The following GDE1 variants were observed in gnomAD, a reference collection of about 807,000 sequenced individuals.
GDE1 encodes the protein glycerophosphodiester phosphodiesterase 1.
A neutral mutation model predicts 32.2 loss-of-function variants in GDE1; 24 were observed. The ratio of observed to expected loss-of-function variants is 0.75; its 90% confidence interval spans 0.54 to 1.05. The LOEUF (loss-of-function observed/expected upper bound fraction) is 1.05. Ranked by LOEUF, GDE1 falls within the 50% of genes least tolerant of loss-of-function variation. The probability of loss-of-function intolerance (pLI) is 0.00; values close to 1 mark genes in which losing one functional copy is unlikely to be tolerated. For missense variants in GDE1, 380 were observed against 415.0 expected, an observed-to-expected ratio of 0.92 and a Z score of 0.73; for synonymous variants, 159 against 158.6, an observed-to-expected ratio of 1.00 and a Z score of -0.02.
rs991517652 is a variant in GDE1, at chr16:19,502,311, T to C, written c.*1159A>G. ...TGTATGGATTGAGTAAGATAATGCA[T>C]GTTAAACCACTTGTATAGTTTCTGG... is the stretch of plus-strand genomic sequence containing the variant. On this transcript the variant is annotated 3_prime_UTR_variant, in exon 6 of 6. Coordinates refer to ENST00000353258, the MANE Select transcript of GDE1 (RefSeq NM_016641.4). 18 of 151,258 alleles carry C rather than the reference T, an allele frequency of 1.2e-4. No individual in the cohort carries two copies. The highest frequency in any genetic ancestry group is 2.5e-4 in the Non-Finnish European group (17 of 67,818). 9.4% of individuals were successfully genotyped at this position (151,258 alleles called of 1,614,324 possible). A position where few individuals can be genotyped will look rare whatever the true frequency, so the allele number is the denominator to read the frequency against.
In GDE1 at chr16:19,517,169, T is replaced by C. The variant is rs756784331; in HGVS notation, c.282A>G (p.Thr94=). The C allele has an allele frequency of 5.6e-5, 91 of 1,613,414 alleles. No homozygotes were observed. The highest frequency in any genetic ancestry group is 2.3e-4 in the Admixed American group (14 of 59,976). ...AIRQAAKNGA[T]GVELDIEFTS... is the part of the protein sequence containing the mutation. ...TAAACTCAATGTCCAACTCCACGCC[T>C]GTTGCTCCATTCTTAGCTGCCTTAA... Residue 94 remains threonine (T), a synonymous_variant, in exon 2 of 6, where the codon ACA becomes ACG. Transcript: ENST00000353258.
chr16:19,516,312 G>A (rs1307392678), intron 2 of GDE1, among the ~76,000 whole-genome samples: 1 of 152,158 alleles, frequency 6.6e-6, no homozygotes, highest in Non-Finnish European at 1.5e-5. Flanking sequence ...TTATGAACTA[G>A]TTATTTGCCC....
At chr16:19,503,688 AGTATG>A in intron 5 of GDE1, 71 bp from the exon 6 acceptor site, 1 of 1,300,122 alleles carries the variant, frequency 7.7e-7, no homozygotes, top group East Asian at 2.3e-5. Flanking sequence ...ATGGCCACTA[AGTATG>A]GTGTTCACTG....
intron 3 of GDE1, among the ~76,000 whole-genome samples, chr16:19,510,195 G>A (rs928467624): frequency 5.9e-5 from 9 of 152,188 alleles, no homozygotes; most frequent in African/African-American, 1.7e-4. Flanking sequence ...ATGTTCTTAT[G>A]AGTGTAAGTG....
In GDE1 at chr16:19,504,862, A is replaced by G; in HGVS notation, c.848+19T>C. On this transcript the variant is annotated intron_variant, in intron 5 of 5. Coordinates refer to ENST00000353258, the MANE Select transcript of GDE1 (RefSeq NM_016641.4). The stretch of plus-strand genomic sequence containing the variant: ...TTCAGGATGTCTGTCTGGGTAAAAT[A>G]AAAAACCTTCCAACTTACGGGGATA... 1 of 1,528,932 alleles carries G rather than the reference A, an allele frequency of 6.5e-7. No individual in the cohort carries two copies. Among genetic ancestry groups the G allele is most frequent in the Non-Finnish European group, 9.0e-7 (1 of 1,108,698 alleles). 94.7% of individuals were successfully genotyped at this position (1,528,932 alleles called of 1,614,324 possible).
At chr16:19,513,548 C>A (rs945006137) in intron 2 of GDE1, among the ~76,000 whole-genome samples, 1 of 152,086 alleles carries the variant, frequency 6.6e-6, no homozygotes, top group African/African-American at 2.4e-5. Flanking sequence ...ATCATGTTGT[C>A]AGCAAAGAGG....
chr16:19,522,084 C>G lies in GDE1; in HGVS notation c.-120G>C. 5 of 1,035,082 alleles carry G rather than the reference C, an allele frequency of 4.8e-6. No homozygotes were observed. The highest frequency in any genetic ancestry group is 6.8e-6 in the Non-Finnish European group (5 of 734,594). 64.1% of individuals were successfully genotyped at this position (1,035,082 alleles called of 1,614,324 possible). A position where few individuals can be genotyped will look rare whatever the true frequency, so the allele number is the denominator to read the frequency against. ...CAGCAGCAGGAACCCTCTGAGGGGA[C>G]CAGCGCCGCACAATGGCGGCAGCAG... On this transcript the variant is annotated 5_prime_UTR_variant, in exon 1 of 6. Coordinates refer to ENST00000353258, the MANE Select transcript of GDE1 (RefSeq NM_016641.4).
At chr16:19,512,566 A>G (rs1969330751) in intron 2 of GDE1, among the ~76,000 whole-genome samples, 2 of 152,056 alleles carry the variant, frequency 1.3e-5, no homozygotes, top group Admixed American at 6.6e-5. Context: ...TTTTAGTTTA[A>G]TATAGTCACA....
At chr16:19,511,002 C>A in intron 2 of GDE1, 58 bp from the exon 3 acceptor site, 1 of 819,706 alleles carries the variant, frequency 1.2e-6, no homozygotes, top group Middle Eastern at 2.3e-4. Flanking sequence ...AACTGTATTG[C>A]AACAAACATT....
chr16:19,512,660 T>C (rs1046910555), intron 2 of GDE1, among the ~76,000 whole-genome samples: 3 of 152,164 alleles, frequency 2.0e-5, no homozygotes, highest in Admixed American at 6.5e-5. Context: ...TTTTCCCCTG[T>C]GTTTTCTTCT....
chr16:19,519,449 CAT>C (rs111659244), intron 1 of GDE1, among the ~76,000 whole-genome samples: 31,480 of 146,582 alleles, frequency 0.21, 3,368 homozygotes, highest in Middle Eastern at 0.26. Context: ...TGTGTATGTG[CAT>C]ATATATATAT....
rs1395115734 is a variant in GDE1, at chr16:19,503,583, G to GGAT, written c.880_882dup (p.Ile294dup). On this transcript the variant is annotated inframe_insertion, in exon 6 of 6. Coordinates refer to ENST00000353258, the MANE Select transcript of GDE1 (RefSeq NM_016641.4). The stretch of plus-strand genomic sequence containing the variant: ...GTATTAACAGTCCAACCAACAACCT[G>GGAT]GATTCCTTTAGCTGACCACTTCTTC... 1 of 1,613,604 alleles carries GGAT rather than the reference G, an allele frequency of 6.2e-7. No homozygotes were observed. The highest frequency in any genetic ancestry group is 8.5e-7 in the Non-Finnish European group (1 of 1,179,540).
Position 19,503,514 on chromosome 16 carries a change from A to T in GDE1, c.952T>A (p.Tyr318Asn). The T allele has an allele frequency of 6.2e-7, 1 of 1,613,858 alleles. No individual in the cohort carries two copies. Among genetic ancestry groups the T allele is most frequent in the Non-Finnish European group, 8.5e-7 (1 of 1,179,774 alleles). The change falls in exon 6 of 6, where the codon TAT becomes AAT. Residue 318 changes from tyrosine to asparagine, a missense_variant. Coordinates refer to ENST00000353258, the MANE Select transcript of GDE1 (RefSeq NM_016641.4). ...SYYESHLGSS[Y>N]ITDSMVEDCE... is the part of the protein sequence containing the mutation. Reference sequence around the variant, plus strand: ...TCTTCTACCATGCTGTCAGTGATATAGCTGGAACCAAGATGGGATTCGTAG... The same window carrying T: ...TCTTCTACCATGCTGTCAGTGATATTGCTGGAACCAAGATGGGATTCGTAG...
Position 19,521,947 on chromosome 16 carries a change from G to A in GDE1, c.18C>T (p.Asp6=), listed in dbSNP as rs749703548. The A allele has an allele frequency of 1.2e-5, 18 of 1,563,116 alleles. No homozygotes were observed. The highest frequency in any genetic ancestry group is 1.6e-5 in the Non-Finnish European group (18 of 1,153,266). Residue 6 remains aspartate (D), a synonymous_variant, in exon 1 of 6, where the codon GAC becomes GAT. Coordinates refer to ENST00000353258, the MANE Select transcript of GDE1 (RefSeq NM_016641.4). The part of the protein sequence containing the change: MWLWE[D]QGGLLGPFSF... ...AGAAAGGGCCCAGGAGGCCGCCCTG[G>A]TCCTCCCACAGCCACATGCCGGCGC...
At position 19,503,632 on chromosome 16, in the gene GDE1, A is replaced by G. The variant is rs774671606; in HGVS notation, c.849-15T>C. ...TCAAGTAGGCCCTGGGGAAAGAGGA[A>G]AGCCAATCCTGTTAGAATAATAAGC... On this transcript the variant is annotated splice_polypyrimidine_tract_variant and intron_variant, in intron 5 of 5. Transcript: ENST00000353258. The G allele has an allele frequency of 1.9e-6, 3 of 1,610,230 alleles. No individual in the cohort carries two copies. In the South Asian group the frequency reaches 3.3e-5, roughly 18 times the overall value.
At chr16:19,517,881 ATTTC>A (rs1471443064) in intron 1 of GDE1, among the ~76,000 whole-genome samples, 2 of 149,784 alleles carry the variant, frequency 1.3e-5, no homozygotes, top group Non-Finnish European at 1.5e-5. Flanking sequence ...TACGATGAAG[ATTTC>A]TTTCTTTTTT....
At position 19,503,353 on chromosome 16, in the gene GDE1, T is replaced by C. The variant is rs558011192; in HGVS notation, c.*117A>G. 3 of 878,774 alleles carry C rather than the reference T, an allele frequency of 3.4e-6. No individual in the cohort carries two copies. Among genetic ancestry groups the C allele is most frequent in the African/African-American group, 3.3e-5 (2 of 59,944 alleles). The allele number at this position is 878,774 out of a possible 1,614,324, so 54.4% of individuals were successfully genotyped here. On this transcript the variant is annotated 3_prime_UTR_variant, in exon 6 of 6. Coordinates refer to ENST00000353258, the MANE Select transcript of GDE1 (RefSeq NM_016641.4). ...CAGGTAAAAATGCAGTGACCAACTA[T>C]TGCATTTGTGTGAGTCACCTGATTC... is the stretch of plus-strand genomic sequence containing the variant.
In GDE1 at chr16:19,521,746, G is replaced by T. The variant is rs771101319; in HGVS notation, c.219C>A (p.Gly73=). The change falls in exon 1 of 6, where the codon GGC becomes GGA. Residue 73 remains glycine, a synonymous_variant. Coordinates refer to ENST00000353258, the MANE Select transcript of GDE1 (RefSeq NM_016641.4). ...GCGTGTTCTCGGGCGCGTCGTGGCT[G>T]CCGCCACGGTGGGCGATGGCAGAAA... ...DRISAIAHRG[G]SHDAPENTLA... 1 of 1,611,938 alleles carries T rather than the reference G, an allele frequency of 6.2e-7. No individual in the cohort carries two copies. The highest frequency in any genetic ancestry group is 8.5e-7 in the Non-Finnish European group (1 of 1,179,588).
At chr16:19,506,565 T>C (rs1366923981) in intron 4 of GDE1, among the ~76,000 whole-genome samples, 1 of 152,036 alleles carries the variant, frequency 6.6e-6, no homozygotes, top group Non-Finnish European at 1.5e-5. Flanking sequence ...GGCAAGAGAA[T>C]TGCTTGAACC....
Sources: allele counts gnomAD v4.1 joint callset (sites outside exome capture counted in the v4.1 genomes callset), GRCh38; gene constraint gnomAD v4.1.1; transcripts MANE v1.5; gene names NCBI Gene and HGNC (gene_info 2026-07-23, HGNC 2026-07-21).